The following PDE4D variants were observed in gnomAD, a reference collection of about 807,000 sequenced individuals.
PDE4D encodes 3',5'-cyclic-AMP phosphodiesterase 4D.
A neutral mutation model predicts 87.4 loss-of-function variants in PDE4D; 24 were observed. The observed-to-expected ratio is 0.27, with a 90% CI of 0.20 to 0.39. PDE4D has a LOEUF of 0.39. Among genes scored for constraint, PDE4D ranks in the 10% least tolerant of loss-of-function variants. The probability of loss-of-function intolerance (pLI) is 1.00; values close to 1 mark genes in which losing one functional copy is unlikely to be tolerated. For missense variants in PDE4D, 714 were observed against 1,041.0 expected, an observed-to-expected ratio of 0.69 and a Z score of 4.32; for synonymous variants, 384 against 383.2, an observed-to-expected ratio of 1.00 and a Z score of -0.02.
At chr5:59,395,601 C>T (rs1582366721) in intron 1 of PDE4D, among the ~76,000 whole-genome samples, 1 of 147,870 alleles carries the variant, frequency 6.8e-6, no homozygotes, top group East Asian at 2.0e-4. Flanking sequence ...TCATCAAAGA[C>T]CAAAAGTAGA....
chr5:59,949,816 G>A (rs188455998), intron 3 of PDE4D, among the ~76,000 whole-genome samples: 31 of 152,068 alleles, frequency 2.0e-4, no homozygotes, highest in Admixed American at 1.4e-3. Flanking sequence ...TTATCTTTCC[G>A]GTTTTCCTTA....
chr5:59,892,500 C>T (rs1202809092), intron 1 of PDE4D, among the ~76,000 whole-genome samples: 1 of 152,156 alleles, frequency 6.6e-6, no homozygotes, highest in Non-Finnish European at 1.5e-5. Context: ...CCTTCTCCCT[C>T]CCTCACCCCC....
At chr5:59,858,084 A>G (rs1745723589) in intron 1 of PDE4D, among the ~76,000 whole-genome samples, 1 of 152,080 alleles carries the variant, frequency 6.6e-6, no homozygotes, top group Non-Finnish European at 1.5e-5. Context: ...TTGTTTCCAT[A>G]TGGGACTCTT....
At chr5:59,366,661 G>T (rs1406536445) in intron 1 of PDE4D, among the ~76,000 whole-genome samples, 1 of 151,920 alleles carries the variant, frequency 6.6e-6, no homozygotes, top group Admixed American at 6.6e-5. Flanking sequence ...AGTTGTTTTT[G>T]GGTTTTCTGT....
chr5:59,059,093 G>T (rs898003291), intron 5 of PDE4D, among the ~76,000 whole-genome samples: 9 of 152,090 alleles, frequency 5.9e-5, no homozygotes, highest in African/African-American at 2.2e-4. Context: ...GCAATTCAGC[G>T]GGTTCCTTTT....
intron 1 of PDE4D, among the ~76,000 whole-genome samples, chr5:59,665,567 C>T (rs1745941925): frequency 6.6e-6 from 1 of 152,172 alleles, no homozygotes; most frequent in African/African-American, 2.4e-5. Flanking sequence ...CCATATTGCC[C>T]ATGTACAGAA....
At chr5:60,203,586 G>A (rs907558439) in intron 1 of PDE4D, among the ~76,000 whole-genome samples, 5 of 152,084 alleles carry the variant, frequency 3.3e-5, no homozygotes, top group African/African-American at 1.2e-4. Flanking sequence ...TTTCTACAGC[G>A]AACACGTGGG....
chr5:60,165,292 C>G (rs570160986), intron 2 of PDE4D, among the ~76,000 whole-genome samples: 2 of 152,264 alleles, frequency 1.3e-5, no homozygotes, highest in South Asian at 2.1e-4. Context: ...GTTCTTGGCA[C>G]TTTTGACAAA....
At chr5:59,851,759 A>G (rs182743806) in intron 1 of PDE4D, among the ~76,000 whole-genome samples, 3 of 152,186 alleles carry the variant, frequency 2.0e-5, no homozygotes, top group African/African-American at 7.2e-5. Flanking sequence ...GTAAACTGCC[A>G]TATTGTGAAG....
intron 6 of PDE4D, among the ~76,000 whole-genome samples, chr5:59,012,408 A>G (rs1422276394): frequency 6.6e-6 from 1 of 152,208 alleles, no homozygotes; most frequent in Non-Finnish European, 1.5e-5. Context: ...CAGGAGACCC[A>G]TCTCACATGC....
At chr5:60,442,999 T>C (rs1258422381) in intron 1 of PDE4D, among the ~76,000 whole-genome samples, 1 of 151,818 alleles carries the variant, frequency 6.6e-6, no homozygotes, top group East Asian at 1.9e-4. Flanking sequence ...CAACTTAATA[T>C]CCACTCTCAG....
rs753855276 is a variant in PDE4D, at chr5:60,038,481, T to G, written c.43-49764A>C. On this transcript the variant is annotated intron_variant, in intron 2 of 16. Transcript: ENST00000502484. ...AGGGCTCTGTTCTGTTCCACTGATC[T>G]ATATCTCTGTTTTGGTACCAGTACC... Among the ~76,000 whole-genome samples, 856 of 152,220 alleles carry G rather than the reference T, an allele frequency of 5.6e-3. 7 individuals carry two copies. Among genetic ancestry groups the G allele is most frequent in the Non-Finnish European group, 9.3e-3 (635 of 67,992 alleles).
chr5:59,492,703 T>C (rs1277847165), intron 1 of PDE4D, among the ~76,000 whole-genome samples: 2 of 151,828 alleles, frequency 1.3e-5, no homozygotes, highest in East Asian at 1.9e-4. Context: ...AGGTCTATTA[T>C]ATGTTTAGGC....
chr5:59,985,880 C>T lies in PDE4D; in HGVS notation c.272+2608G>A, dbSNP rs10940652. ...CACATCCCAGGAATACTATATTTTCCATTTGTGTTTGGTTGAAAAGAATCC... is the reference window on the plus strand; with the variant it reads ...CACATCCCAGGAATACTATATTTTCTATTTGTGTTTGGTTGAAAAGAATCC... On this transcript the variant is annotated intron_variant, in intron 3 of 16. Coordinates refer to the PDE4D transcript ENST00000502484. Among the ~76,000 whole-genome samples, 12 of 152,208 alleles carry T rather than the reference C, an allele frequency of 7.9e-5. No individual in the cohort carries two copies. In the East Asian group the frequency reaches 2.3e-3, roughly 29 times the overall value.
chr5:59,568,594 G>A (rs1821326737), intron 1 of PDE4D, among the ~76,000 whole-genome samples: 1 of 64,044 alleles, frequency 1.6e-5, no homozygotes, highest in Admixed American at 2.1e-4. Context: ...TAGTCATGTT[G>A]ACAGTGTGAT....
intron 1 of PDE4D, among the ~76,000 whole-genome samples, chr5:59,521,792 C>T (rs1189916545): frequency 2.0e-5 from 3 of 152,140 alleles, no homozygotes; most frequent in Admixed American, 6.6e-5. Flanking sequence ...GCACCTTCCA[C>T]CTGTCTGTTA....
At chr5:60,300,804 A>T (rs1254786449) in intron 1 of PDE4D, among the ~76,000 whole-genome samples, 1 of 149,890 alleles carries the variant, frequency 6.7e-6, no homozygotes, top group Non-Finnish European at 1.5e-5. Context: ...ATGGAGTCTC[A>T]CTCTGTTGCC....
At chr5:59,637,527 GA>G (rs1832400300) in intron 1 of PDE4D, among the ~76,000 whole-genome samples, 2 of 151,218 alleles carry the variant, frequency 1.3e-5, no homozygotes, top group Non-Finnish European at 2.9e-5. Context: ...ACTGGATGAA[GA>G]AAATGTGGCA....
intron 1 of PDE4D, among the ~76,000 whole-genome samples, chr5:60,234,959 C>A (rs1746257566): frequency 1.3e-5 from 2 of 151,894 alleles, no homozygotes; most frequent in South Asian, 2.1e-4. Context: ...TAATTTCTTG[C>A]TCTAGCCCTT....
Sources: allele counts gnomAD v4.1 joint callset (sites outside exome capture counted in the v4.1 genomes callset), GRCh38; gene constraint gnomAD v4.1.1; transcripts MANE v1.5; gene names NCBI Gene and HGNC (gene_info 2026-07-23, HGNC 2026-07-21).